Variants in HAPLN2 observed in about 807,000 individuals in gnomAD.
HAPLN2 encodes brain link protein-1.
HAPLN2 carries 27 observed loss-of-function variants against 29.3 expected under a neutral mutation model. The observed-to-expected ratio is 0.92, with a 90% CI of 0.68 to 1.27. The LOEUF is 1.27. Among genes scored for constraint, HAPLN2 ranks in the 50% most tolerant of loss-of-function variants. HAPLN2 has a pLI of 0.00. For synonymous variants in HAPLN2, 208 were observed against 211.7 expected (o/e 0.98, Z 0.15); for missense variants, 454 against 484.3 (o/e 0.94, Z 0.59).
the HAPLN2 span, among the ~76,000 whole-genome samples, chr1:156,603,341 C>G: frequency 1.3e-5 from 2 of 151,780 alleles, no homozygotes; most frequent in Non-Finnish European, 2.9e-5. Flanking sequence ...GCCACTGTGC[C>G]GGGGCAAACT....
Position 156,625,487 on chromosome 1 carries a change from G to A in HAPLN2, c.*103G>A, listed in dbSNP as rs547503723. ...AGAGCCTCCCCTCCCTCCAGACCCG[G>A]AGCGGCCTCTCCAGACCTGCCTTCC... On this transcript the variant is annotated 3_prime_UTR_variant, in exon 7 of 7. Transcript: ENST00000255039. This position sits in a 1 kb window ranked among gnomAD's most constrained non-coding sequence, Gnocchi z 5.7. 632 of 1,259,702 alleles carry A rather than the reference G, an allele frequency of 5.0e-4. 5 individuals are homozygous for A. The African/African-American group carries it at 8.8e-3, about 18-fold the overall frequency. The allele number at this position is 1,259,702 out of a possible 1,614,324, so 78.0% of individuals were successfully genotyped here. A position where few individuals can be genotyped will look rare whatever the true frequency, so the allele number is the denominator to read the frequency against.
At chr1:156,623,037 A>AAAAAAAAAATAAAAAAAAAT (rs551908025) in intron 2 of HAPLN2, among the ~76,000 whole-genome samples, 4 of 111,424 alleles carry the variant, frequency 3.6e-5, no homozygotes, top group Non-Finnish European at 5.5e-5. Flanking sequence ...CTGTCTCAAA[A>AAAAAAAAAATAAAAAAAAAT]AAATAAATAA....
At chr1:156,608,948 G>C in the HAPLN2 span, among the ~76,000 whole-genome samples, 1 of 152,174 alleles carries the variant, frequency 6.6e-6, no homozygotes, top group African/African-American at 2.4e-5. Flanking sequence ...TTTCTGAAAG[G>C]GGCAGTATAG....
At chr1:156,616,288 C>T (rs1435034258), upstream of HAPLN2, among the ~76,000 whole-genome samples, 2 of 152,190 alleles carry the variant, frequency 1.3e-5, no homozygotes, top group Non-Finnish European at 2.9e-5. Flanking sequence ...CATCTCACCC[C>T]ACTCCCATTT....
At chr1:156,611,119 AG>A in the HAPLN2 span, among the ~76,000 whole-genome samples, 1 of 151,738 alleles carries the variant, frequency 6.6e-6, no homozygotes, top group African/African-American at 2.4e-5. Flanking sequence ...CCATCTCTAC[AG>A]AAAAATACAA....
At chr1:156,619,009 G>C (rs1678135838), upstream of HAPLN2, among the ~76,000 whole-genome samples, 1 of 152,060 alleles carries the variant, frequency 6.6e-6, no homozygotes, top group African/African-American at 2.4e-5. Context: ...CCTCCTTGCT[G>C]TCTAATCTCC....
At chr1:156,603,858 A>C in the HAPLN2 span, among the ~76,000 whole-genome samples, 1 of 152,178 alleles carries the variant, frequency 6.6e-6, no homozygotes, top group Non-Finnish European at 1.5e-5. Flanking sequence ...AGGCATTTAT[A>C]TCATTGAGTA....
In HAPLN2 at chr1:156,625,174, G is replaced by A; in HGVS notation, c.813G>A (p.Val271=). The stretch of plus-strand genomic sequence containing the variant: ...CGGCGTGCCGGCGACGCGGCGCCGT[G>A]GTGGCCAAGGTTGGGCACCTCTACG... The part of the protein sequence containing the change: ...AHAACRRRGA[V]VAKVGHLYAA... Residue 271 remains valine, a synonymous_variant, in exon 7 of 7, where the codon GTG becomes GTA. Coordinates refer to ENST00000255039, the MANE Select transcript of HAPLN2 (RefSeq NM_021817.3). This position sits in a 1 kb window ranked among gnomAD's most constrained non-coding sequence, Gnocchi z 5.7. 6.5e-7 allele frequency: 1 copy of A among 1,546,948 alleles called. No individual in the cohort carries two copies. Among genetic ancestry groups the A allele is most frequent in the Non-Finnish European group, 8.7e-7 (1 of 1,147,470 alleles).
chr1:156,618,164 G>C (rs1678107060), upstream of HAPLN2, among the ~76,000 whole-genome samples: 1 of 151,878 alleles, frequency 6.6e-6, no homozygotes, highest in Admixed American at 6.6e-5. Context: ...TTGGCGTGGT[G>C]GCGCACGTCT....
chr1:156,605,666 G>A, the HAPLN2 span, among the ~76,000 whole-genome samples: 1 of 145,306 alleles, frequency 6.9e-6, no homozygotes. Flanking sequence ...AAGGAAGAAA[G>A]TTGTAGGACT....
the HAPLN2 span, among the ~76,000 whole-genome samples, chr1:156,606,615 T>C: frequency 6.6e-6 from 1 of 151,728 alleles, no homozygotes; most frequent in Non-Finnish European, 1.5e-5. Context: ...CCCAAGTAGC[T>C]GGGGCCACAG....
At chr1:156,609,720 C>A in the HAPLN2 span, among the ~76,000 whole-genome samples, 5 of 151,988 alleles carry the variant, frequency 3.3e-5, no homozygotes, top group African/African-American at 1.2e-4. Flanking sequence ...ATGCTCCATA[C>A]GGACACAAAT....
At chr1:156,609,516 T>G in the HAPLN2 span, among the ~76,000 whole-genome samples, 1 of 152,214 alleles carries the variant, frequency 6.6e-6, no homozygotes, top group Non-Finnish European at 1.5e-5. Flanking sequence ...CAAGTAGTCT[T>G]CCAATTAAAA....
At chr1:156,618,778 C>CCA (rs1678129110), upstream of HAPLN2, among the ~76,000 whole-genome samples, 1 of 41,656 alleles carries the variant, frequency 2.4e-5, no homozygotes, top group South Asian at 9.1e-4. Flanking sequence ...GACTCCGTCT[C>CCA]AAAAAAAAAA....
At chr1:156,602,972 C>T in the HAPLN2 span, among the ~76,000 whole-genome samples, 8,448 of 152,036 alleles carry the variant, frequency 0.056, 342 homozygotes, top group African/African-American at 0.11. Context: ...TCATAATTGC[C>T]CTGTATGTCA....
At chr1:156,610,648 A>T in the HAPLN2 span, among the ~76,000 whole-genome samples, 193 of 152,110 alleles carry the variant, frequency 1.3e-3, 1 homozygote, top group African/African-American at 4.5e-3. Context: ...CTCAAAAAAA[A>T]AAAAGAAAAG....
intron 2 of HAPLN2, among the ~76,000 whole-genome samples, chr1:156,623,037 AAAAT>A (rs56280786): frequency 0.051 from 5,686 of 111,396 alleles, 470 homozygotes; most frequent in African/African-American, 0.12. Flanking sequence ...CTGTCTCAAA[AAAAT>A]AAATAAATAA....
At chr1:156,624,505 A>C (rs1557977115) in intron 5 of HAPLN2, 38 bp downstream of exon 5, 1 of 1,607,314 alleles carries the variant, frequency 6.2e-7, no homozygotes, top group East Asian at 2.2e-5. Context: ...AGCCCCGCGG[A>C]GCTGTCTCAG....
upstream of HAPLN2, chr1:156,614,736 A>G (rs139319650): frequency 6.6e-6 from 1 of 152,344 alleles, no homozygotes; most frequent in African/African-American, 2.4e-5. Flanking sequence ...ATGGGCTAAG[A>G]AAATAAACAG....
Sources: gnomAD v4.1 joint callset for allele counts (sites outside exome capture counted in the v4.1 genomes callset) on GRCh38, gnomAD v4.1.1 for gene constraint, Gnocchi (gnomAD v3.1) non-coding constraint, MANE v1.5 for transcripts, NCBI Gene and HGNC (gene_info 2026-07-23, HGNC 2026-07-21) for gene names.